EPB41L4B: variants seen among roughly 807,000 people sequenced by gnomAD.
The protein encoded by EPB41L4B is band 4.1-like protein 4B.
A neutral mutation model predicts 112.5 loss-of-function variants in EPB41L4B; 30 were observed. The observed-to-expected ratio is 0.27, with a 90% CI of 0.20 to 0.36. The LOEUF (loss-of-function observed/expected upper bound fraction) is 0.36. EPB41L4B is among the 10% of genes least tolerant of loss of function. The probability of loss-of-function intolerance (pLI) is 1.00; values close to 1 mark genes in which losing one functional copy is unlikely to be tolerated. For synonymous variants in EPB41L4B, 408 were observed against 439.7 expected, an observed-to-expected ratio of 0.93 and a Z score of 0.90; for missense variants, 1,024 against 1,133.3, an observed-to-expected ratio of 0.90 and a Z score of 1.38.
chr9:109,256,466 G>A lies in EPB41L4B; in HGVS notation c.767C>T (p.Ala256Val), dbSNP rs1170721343. The change falls in exon 8 of 26, where the codon GCC (alanine) becomes GTC (valine). Residue 256 changes from alanine to valine, a missense_variant. Physicochemically the swap from Ala to Val is moderately conservative, Grantham distance 64. Transcript: ENST00000374566. Reference protein sequence around the residue: ...RWKECRGKSPAQAELSYLNKA... With the variant: ...RWKECRGKSPVQAELSYLNKA... Reference sequence around the variant, plus strand: ...ATTCAGATAGGAGAGTTCCGCCTGGGCAGGGCTCTTTCCCCTTAGAAAAAC... The same window carrying A: ...ATTCAGATAGGAGAGTTCCGCCTGGACAGGGCTCTTTCCCCTTAGAAAAAC... The A allele has an allele frequency of 1.9e-6, 3 of 1,614,146 alleles. No homozygotes were observed. In the East Asian group the frequency reaches 6.7e-5, roughly 36 times the overall value.
At position 109,268,331 on chromosome 9, in the gene EPB41L4B, G is replaced by A. The variant is rs370667854; in HGVS notation, c.454+60C>T. On this transcript the variant is annotated intron_variant, in intron 3 of 25. Coordinates refer to ENST00000374566, the MANE Select transcript of EPB41L4B (RefSeq NM_019114.5). The stretch of plus-strand genomic sequence containing the variant: ...TGAAAACATAACACCTCAAAACACT[G>A]GCAAAGGAGTTTACTCTCAGAAAAA... 7.1e-5 allele frequency: 104 copies of A among 1,470,500 alleles called. No homozygotes were observed. The African/African-American group carries it at 1.4e-3, about 20-fold the overall frequency. 91.1% of individuals were successfully genotyped at this position (1,470,500 alleles called of 1,614,324 possible). A position where few individuals can be genotyped will look rare whatever the true frequency, so the allele number is the denominator to read the frequency against.
chr9:109,217,275 T>C, intron 15 of EPB41L4B, 130 bp from the exon 16 acceptor site: 1 of 723,950 alleles, frequency 1.4e-6, no homozygotes, highest in Non-Finnish European at 2.3e-6. Flanking sequence ...CTGTAGTTAT[T>C]ATAAAGTATA....
At chr9:109,259,766 C>A (rs921130849) in intron 6 of EPB41L4B, among the ~76,000 whole-genome samples, 1 of 152,222 alleles carries the variant, frequency 6.6e-6, no homozygotes, top group Non-Finnish European at 1.5e-5. Context: ...AAATCCACCA[C>A]AAATTTAGTT....
At chr9:109,291,367 T>C (rs916020441) in intron 1 of EPB41L4B, among the ~76,000 whole-genome samples, 60 of 152,104 alleles carry the variant, frequency 3.9e-4, no homozygotes, top group African/African-American at 1.3e-3. Context: ...AGGGTTGGGA[T>C]ACAAGGCCAC....
At chr9:109,176,808 T>G in intron 24 of EPB41L4B, 112 bp from the exon 25 acceptor site, 1 of 1,189,652 alleles carries the variant, frequency 8.4e-7, no homozygotes, top group Non-Finnish European at 1.2e-6. Context: ...CACTACCAGC[T>G]AAAATCGATT....
chr9:109,239,362 G>C (rs560092939), intron 15 of EPB41L4B, among the ~76,000 whole-genome samples: 12 of 152,262 alleles, frequency 7.9e-5, no homozygotes, highest in African/African-American at 2.9e-4. Flanking sequence ...TTTGATTTTT[G>C]ATAGGTGGAG....
chr9:109,229,827 G>A (rs939639221), intron 15 of EPB41L4B, among the ~76,000 whole-genome samples: 2 of 152,128 alleles, frequency 1.3e-5, no homozygotes, highest in African/African-American at 4.8e-5. Flanking sequence ...GGGGAGCCTG[G>A]AGCTTCAAGC....
intron 15 of EPB41L4B, 139 bp from the exon 16 acceptor site, chr9:109,217,284 T>C (rs761318905): frequency 1.4e-6 from 1 of 691,908 alleles, no homozygotes; most frequent in Admixed American, 2.8e-5. Context: ...TTATAAAGTA[T>C]ATACAATGGT....
intron 16 of EPB41L4B, among the ~76,000 whole-genome samples, chr9:109,216,334 C>T (rs926966881): frequency 6.6e-6 from 1 of 151,968 alleles, no homozygotes; most frequent in Admixed American, 6.6e-5. Flanking sequence ...ATGACTTAAT[C>T]ACTTTTCAAA....
intron 14 of EPB41L4B, among the ~76,000 whole-genome samples, chr9:109,244,274 C>T (rs1357219918): frequency 4.0e-5 from 6 of 150,098 alleles, no homozygotes; most frequent in East Asian, 2.0e-4. Flanking sequence ...CCATCCAGAG[C>T]GCTTATCATC....
chr9:109,303,431 C>T (rs1837055110), intron 1 of EPB41L4B, among the ~76,000 whole-genome samples: 1 of 152,056 alleles, frequency 6.6e-6, no homozygotes, highest in South Asian at 2.1e-4. Context: ...CTGCAACCTC[C>T]ACCTCCCAGA....
At chr9:109,217,296 ATAT>A (rs1833409613) in intron 15 of EPB41L4B, 151 bp from the exon 16 acceptor site, 1 of 663,612 alleles carries the variant, frequency 1.5e-6, no homozygotes, top group East Asian at 2.7e-5. Context: ...TACAATGGTA[ATAT>A]TATACTTAAG....
In EPB41L4B at chr9:109,248,920, G is replaced by A. The variant is rs574360215; in HGVS notation, c.1311-1131C>T. 1.7e-4 allele frequency among the ~76,000 whole-genome samples: 26 copies of A among 151,858 alleles called. No individual in the cohort carries two copies. In the East Asian group the frequency reaches 2.5e-3, roughly 15 times the overall value. The stretch of plus-strand genomic sequence containing the variant: ...TAAAAATACAAAAAATTAGCCGGGC[G>A]TGGTGGCGGGCACCTGTAGTCCCAG... On this transcript the variant is annotated intron_variant, in intron 13 of 25. Coordinates refer to ENST00000374566, the MANE Select transcript of EPB41L4B (RefSeq NM_019114.5).
In EPB41L4B at chr9:109,320,425, T is replaced by G; in HGVS notation, c.22A>C (p.Thr8Pro). The change falls in exon 1 of 26, where the codon ACC becomes CCC. Residue 8 changes from threonine (T) to proline (P), a missense_variant. Physicochemically the swap from Thr to Pro is conservative, Grantham distance 38. Transcript: ENST00000374566. MLRFLRR[T>P]FGRRSMQRYA... ...CGCTGCATGGAGCGGCGGCCAAAGG[T>G]CCGGCGCAGGAACCGCAGCATCCTG... The G allele has an allele frequency of 2.0e-6, 2 of 989,414 alleles. No individual in the cohort carries two copies. The highest frequency in any genetic ancestry group is 2.4e-6 in the Non-Finnish European group (2 of 834,942). 61.3% of individuals were successfully genotyped at this position (989,414 alleles called of 1,614,324 possible). A position where few individuals can be genotyped will look rare whatever the true frequency, so the allele number is the denominator to read the frequency against.
chr9:109,245,429 G>A (rs1834517099), intron 14 of EPB41L4B, among the ~76,000 whole-genome samples: 2 of 152,204 alleles, frequency 1.3e-5, no homozygotes, highest in African/African-American at 4.8e-5. Context: ...ATTCTCAACT[G>A]TCAAGGAGTA....
At chr9:109,193,998 C>A (rs1480805822) in intron 21 of EPB41L4B, among the ~76,000 whole-genome samples, 1 of 152,130 alleles carries the variant, frequency 6.6e-6, no homozygotes, top group Non-Finnish European at 1.5e-5. Context: ...AATTAAAGTA[C>A]AATGAACCTG....
intron 23 of EPB41L4B, among the ~76,000 whole-genome samples, chr9:109,183,930 C>G (rs1832159005): frequency 6.6e-6 from 1 of 152,246 alleles, no homozygotes; most frequent in South Asian, 2.1e-4. Context: ...GCAAGTCTCC[C>G]CCATGTGGGG....
intron 15 of EPB41L4B, among the ~76,000 whole-genome samples, chr9:109,242,054 T>C (rs1254652944): frequency 6.6e-6 from 1 of 152,112 alleles, no homozygotes; most frequent in Non-Finnish European, 1.5e-5. Context: ...TCTCAAAGGG[T>C]GTCTCATGGG....
chr9:109,317,991 G>A (rs902700112), intron 1 of EPB41L4B, among the ~76,000 whole-genome samples: 4 of 152,230 alleles, frequency 2.6e-5, no homozygotes, highest in Admixed American at 2.6e-4. Flanking sequence ...GATCTGGGAA[G>A]ATTAGTGTAG....
Sources: allele counts gnomAD v4.1 joint callset (sites outside exome capture counted in the v4.1 genomes callset), GRCh38; gene constraint gnomAD v4.1.1; transcripts MANE v1.5; gene names NCBI Gene and HGNC (gene_info 2026-07-23, HGNC 2026-07-21).